Variants in REDIC1 observed in about 807,000 individuals in gnomAD.
REDIC1 encodes regulator of DNA class I crossover intermediates 1, also known as HEI10 Interacting Protein 1.
the REDIC1 span, among the ~76,000 whole-genome samples, chr12:39,657,506 C>T: frequency 6.6e-6 from 1 of 152,156 alleles, no homozygotes; most frequent in East Asian, 1.9e-4. Flanking sequence ...CATGTGAGTA[C>T]TGGTGTTCTC....
the REDIC1 span, chr12:39,721,332 T>C: frequency 1.7e-5 from 20 of 1,192,512 alleles, no homozygotes; most frequent in African/African-American, 3.1e-4. Flanking sequence ...TTCATTAACA[T>C]GATAAGAAAT....
At chr12:39,689,445 C>T in the REDIC1 span, among the ~76,000 whole-genome samples, 1 of 152,150 alleles carries the variant, frequency 6.6e-6, no homozygotes, top group Non-Finnish European at 1.5e-5. Context: ...TGAGGATCTT[C>T]TGAAAAACCT....
At chr12:39,845,854 G>T in the REDIC1 span, among the ~76,000 whole-genome samples, 1 of 152,128 alleles carries the variant, frequency 6.6e-6, no homozygotes, top group South Asian at 2.1e-4. Flanking sequence ...GCACACAGTG[G>T]TCCTTTTCTT....
the REDIC1 span, among the ~76,000 whole-genome samples, chr12:39,883,798 T>C: frequency 1.3e-5 from 2 of 152,190 alleles, no homozygotes. Flanking sequence ...TATTTATAAC[T>C]CTGAATCTCT....
chr12:39,761,036 C>T, the REDIC1 span, among the ~76,000 whole-genome samples: 1 of 137,586 alleles, frequency 7.3e-6, no homozygotes, highest in Non-Finnish European at 1.6e-5. Flanking sequence ...TGGAAAACAA[C>T]AAAGTAAAAT....
At chr12:39,751,920 G>A in the REDIC1 span, among the ~76,000 whole-genome samples, 4 of 152,142 alleles carry the variant, frequency 2.6e-5, no homozygotes, top group Admixed American at 1.3e-4. Flanking sequence ...GGAGAAGGGG[G>A]AGGGAAAGCA....
At chr12:39,892,588 G>A in the REDIC1 span, among the ~76,000 whole-genome samples, 1,181 of 152,194 alleles carry the variant, frequency 7.8e-3, 18 homozygotes, top group African/African-American at 0.027. Context: ...TAAATTGGGT[G>A]CATTAAACAA....
chr12:39,707,011 C>T, the REDIC1 span, among the ~76,000 whole-genome samples: 172 of 151,734 alleles, frequency 1.1e-3, 2 homozygotes, highest in South Asian at 0.034. Context: ...AGGATCACAT[C>T]AGACAAACAG....
the REDIC1 span, among the ~76,000 whole-genome samples, chr12:39,859,882 T>C: frequency 6.6e-6 from 1 of 152,152 alleles, no homozygotes; most frequent in Non-Finnish European, 1.5e-5. Context: ...TAGTCCCTTT[T>C]GTCAATTTCT....
the REDIC1 span, among the ~76,000 whole-genome samples, chr12:39,777,732 G>A: frequency 6.6e-6 from 1 of 152,228 alleles, no homozygotes; most frequent in African/African-American, 2.4e-5. Flanking sequence ...ACAGGCATCG[G>A]CATGCCAGCA....
chr12:39,709,212 G>T, the REDIC1 span, among the ~76,000 whole-genome samples: 2 of 142,700 alleles, frequency 1.4e-5, no homozygotes. Context: ...TGGATTTGGG[G>T]CTTAGACTTA....
At chr12:39,825,381 T>A in the REDIC1 span, among the ~76,000 whole-genome samples, 104,319 of 151,956 alleles carry the variant, frequency 0.69, 36,341 homozygotes, top group African/African-American at 0.79. Context: ...TTGGAAACTA[T>A]CTGAATCTAA....
chr12:39,703,871 A>G, the REDIC1 span, among the ~76,000 whole-genome samples: 1 of 152,222 alleles, frequency 6.6e-6, no homozygotes, highest in African/African-American at 2.4e-5. Context: ...CTGGCTAGCC[A>G]TATGTAGAAA....
the REDIC1 span, among the ~76,000 whole-genome samples, chr12:39,866,127 T>G: frequency 6.6e-6 from 1 of 152,234 alleles, no homozygotes; most frequent in Non-Finnish European, 1.5e-5. Context: ...TTAGTAGTAG[T>G]TAAGGTTTTA....
chr12:39,850,600 T>C, the REDIC1 span, among the ~76,000 whole-genome samples: 1 of 152,198 alleles, frequency 6.6e-6, no homozygotes, highest in African/African-American at 2.4e-5. Flanking sequence ...CCAACATTAG[T>C]ATACGGTAAT....
At chr12:39,730,738 A>C in the REDIC1 span, among the ~76,000 whole-genome samples, 1 of 152,164 alleles carries the variant, frequency 6.6e-6, no homozygotes, top group South Asian at 2.1e-4. Context: ...TAATATCCTG[A>C]AAAGTGTTTT....
the REDIC1 span, chr12:39,721,090 A>G: frequency 4.3e-6 from 7 of 1,613,782 alleles, no homozygotes; most frequent in Non-Finnish European, 5.9e-6. Flanking sequence ...ACAAACAGAG[A>G]GTGAATCTGT....
chr12:39,655,463 C>T, the REDIC1 span, among the ~76,000 whole-genome samples: 2 of 152,130 alleles, frequency 1.3e-5, no homozygotes, highest in African/African-American at 4.8e-5. Context: ...TACCTGAGGC[C>T]CTCTGGTCTC....
At chr12:39,856,742 C>T in the REDIC1 span, among the ~76,000 whole-genome samples, 6 of 152,166 alleles carry the variant, frequency 3.9e-5, no homozygotes, top group African/African-American at 1.2e-4. Flanking sequence ...ACAAGGAACA[C>T]GTAGCAAGGT....
Sources: gnomAD v4.1 joint callset for allele counts (sites outside exome capture counted in the v4.1 genomes callset) on GRCh38, gnomAD v4.1.1 for gene constraint, MANE v1.5 for transcripts, NCBI Gene and HGNC (gene_info 2026-07-23, HGNC 2026-07-21) for gene names.